Variants in MECOM observed in about 807,000 individuals in gnomAD.
MECOM encodes histone-lysine N-methyltransferase MECOM.
A neutral mutation model predicts 116.3 loss-of-function variants in MECOM; 13 were observed. The ratio of observed to expected loss-of-function variants is 0.11; its 90% confidence interval spans 0.07 to 0.18. MECOM has a LOEUF of 0.18. MECOM is among the 10% of genes least tolerant of loss of function. MECOM has a pLI of 1.00. For missense variants in MECOM, 1,299 were observed against 1,509.0 expected (o/e 0.86, Z 2.31); for synonymous variants, 528 against 535.2 (o/e 0.99, Z 0.19).
At chr3:169,102,816 T>C (rs926587197) in intron 10 of MECOM, among the ~76,000 whole-genome samples, 15 of 152,036 alleles carry the variant, frequency 9.9e-5, no homozygotes, top group African/African-American at 3.6e-4. Flanking sequence ...TTATGTAGGA[T>C]CATATACAAA....
At chr3:169,311,278 A>G (rs939267905) in intron 2 of MECOM, among the ~76,000 whole-genome samples, 1 of 152,226 alleles carries the variant, frequency 6.6e-6, no homozygotes, top group Non-Finnish European at 1.5e-5. Context: ...CTGTGATACA[A>G]TAAGAGAAAA....
chr3:169,557,524 T>C (rs576122368), intron 1 of MECOM, among the ~76,000 whole-genome samples: 1 of 152,326 alleles, frequency 6.6e-6, no homozygotes, highest in East Asian at 1.9e-4. Context: ...CTGAAGCTTT[T>C]CAACAAAAAC....
chr3:169,553,223 G>T (rs1450818066), intron 1 of MECOM, among the ~76,000 whole-genome samples: 1 of 151,922 alleles, frequency 6.6e-6, no homozygotes, highest in Non-Finnish European at 1.5e-5. Flanking sequence ...AGGCATTTTT[G>T]AGGCATTAAG....
At chr3:169,585,117 G>C (rs545831696) in intron 1 of MECOM, among the ~76,000 whole-genome samples, 12 of 152,318 alleles carry the variant, frequency 7.9e-5, no homozygotes, top group South Asian at 4.1e-4. Flanking sequence ...GACCAATAGA[G>C]GTTATGGATT....
intron 1 of MECOM, among the ~76,000 whole-genome samples, chr3:169,559,986 T>C (rs113817173): frequency 1.3e-5 from 2 of 152,190 alleles, no homozygotes; most frequent in African/African-American, 4.8e-5. Flanking sequence ...ACTTTTATTA[T>C]ACCACTAATG....
intron 1 of MECOM, among the ~76,000 whole-genome samples, chr3:169,570,896 AAAGCTGGAAAC>A (rs1324448993): frequency 6.6e-6 from 1 of 152,218 alleles, no homozygotes; most frequent in African/African-American, 2.4e-5. Context: ...TGAGTGGGCA[AAAGCTGGAAAC>A]ATTCCCTTTG....
At chr3:169,094,354 G>T (rs543338175) in intron 13 of MECOM, among the ~76,000 whole-genome samples, 2 of 152,242 alleles carry the variant, frequency 1.3e-5, no homozygotes, top group East Asian at 3.9e-4. Context: ...TGACTGCACA[G>T]GTTGGCTCTG....
intron 1 of MECOM, among the ~76,000 whole-genome samples, chr3:169,631,305 A>G (rs1480619065): frequency 6.6e-6 from 1 of 152,252 alleles, no homozygotes; most frequent in African/African-American, 2.4e-5. Context: ...TTCTAAAAGA[A>G]CAGTTCAAAT....
At chr3:169,434,457 T>G (rs1287402036) in intron 1 of MECOM, among the ~76,000 whole-genome samples, 12 of 152,128 alleles carry the variant, frequency 7.9e-5, no homozygotes, top group African/African-American at 2.2e-4. Flanking sequence ...TTTTTTGTTT[T>G]GTTCTAAGAT....
chr3:169,118,804 T>C (rs1202580448), intron 7 of MECOM, among the ~76,000 whole-genome samples: 1 of 152,136 alleles, frequency 6.6e-6, no homozygotes, highest in Non-Finnish European at 1.5e-5. Flanking sequence ...CGTTGTTACA[T>C]GGCTGAGTGC....
chr3:169,134,292 G>A (rs1735702406), intron 3 of MECOM, among the ~76,000 whole-genome samples: 1 of 152,122 alleles, frequency 6.6e-6, no homozygotes. Flanking sequence ...GATCACTACT[G>A]TAATTTCCCT....
chr3:169,110,655 C>T (rs1727054764), intron 9 of MECOM, among the ~76,000 whole-genome samples: 1 of 152,166 alleles, frequency 6.6e-6, no homozygotes, highest in Non-Finnish European at 1.5e-5. Context: ...GCAAATAAAA[C>T]ATTGGCAGTT....
chr3:169,373,544 G>A (rs1395310357), intron 2 of MECOM, among the ~76,000 whole-genome samples: 3 of 151,996 alleles, frequency 2.0e-5, no homozygotes, highest in East Asian at 1.9e-4. Context: ...GGCTAATGAC[G>A]TGGGGCAGTT....
intron 2 of MECOM, among the ~76,000 whole-genome samples, chr3:169,237,266 C>A (rs2149537344): frequency 6.6e-6 from 1 of 152,198 alleles, no homozygotes; most frequent in East Asian, 1.9e-4. Flanking sequence ...TAACAATATA[C>A]TAAGTTAGTC....
At chr3:169,510,106 G>A (rs1363490731) in intron 1 of MECOM, among the ~76,000 whole-genome samples, 1 of 152,236 alleles carries the variant, frequency 6.6e-6, no homozygotes, top group Admixed American at 6.5e-5. Flanking sequence ...CAAGCAATGT[G>A]TATATGCACA....
chr3:169,378,471 A>G (rs568987276), intron 2 of MECOM, among the ~76,000 whole-genome samples: 1,376 of 44,468 alleles, frequency 0.031, 150 homozygotes, highest in African/African-American at 0.17. Context: ...GCAAGCAAGC[A>G]AGCAAGAAAG....
At chr3:169,313,927 A>G (rs59164328) in intron 2 of MECOM, among the ~76,000 whole-genome samples, 28,959 of 152,008 alleles carry the variant, frequency 0.19, 4,243 homozygotes, top group East Asian at 0.45. Flanking sequence ...GACAGGACCA[A>G]ACACTGATCA....
chr3:169,303,438 G>C (rs571461762), intron 2 of MECOM, among the ~76,000 whole-genome samples: 27 of 152,280 alleles, frequency 1.8e-4, no homozygotes, highest in Non-Finnish European at 3.4e-4. Flanking sequence ...ATAAAACAGT[G>C]GAGGTGGAAG....
At chr3:169,223,054 C>T (rs957834419) in intron 2 of MECOM, among the ~76,000 whole-genome samples, 3 of 152,128 alleles carry the variant, frequency 2.0e-5, no homozygotes, top group Admixed American at 6.5e-5. Flanking sequence ...ATACAGTAAT[C>T]GCTAATTCTG....
Sources: allele counts gnomAD v4.1 joint callset (sites outside exome capture counted in the v4.1 genomes callset), GRCh38; gene constraint gnomAD v4.1.1; transcripts MANE v1.5; gene names NCBI Gene and HGNC (gene_info 2026-07-23, HGNC 2026-07-21).